MSRB3: variants seen among roughly 807,000 people sequenced by gnomAD.
MSRB3 encodes methionine-R-sulfoxide reductase B3.
Under a neutral mutation model 21.0 loss-of-function variants are expected in MSRB3, and 13 were observed. The observed-to-expected ratio is 0.62, with a 90% confidence interval of 0.40 to 0.98. The LOEUF is 0.98. Among genes scored for constraint, MSRB3 ranks in the 50% least tolerant of loss-of-function variants. The pLI is 0.00. For synonymous variants in MSRB3, 87 were observed against 88.6 expected (o/e 0.98, Z 0.10); for missense variants, 199 against 230.3 (o/e 0.86, Z 0.88).
intron 5 of MSRB3, among the ~76,000 whole-genome samples, chr12:65,432,816 C>T (rs1288170152): frequency 6.6e-6 from 1 of 151,846 alleles, no homozygotes; most frequent in Non-Finnish European, 1.5e-5. Context: ...CCAATGTGAG[C>T]GTTTTTATGC....
intron 4 of MSRB3, among the ~76,000 whole-genome samples, chr12:65,354,010 T>G (rs1274050168): frequency 6.6e-6 from 1 of 152,034 alleles, no homozygotes; most frequent in Non-Finnish European, 1.5e-5. Context: ...GATATGAAAT[T>G]CTGGGTTGAA....
chr12:65,461,904 T>C (rs924204235), intron 6 of MSRB3, among the ~76,000 whole-genome samples: 1 of 152,162 alleles, frequency 6.6e-6, no homozygotes, highest in East Asian at 1.9e-4. Flanking sequence ...TCACCCCAGG[T>C]AGGCCTCTTC....
chr12:65,387,873 G>T (rs1344466219), intron 5 of MSRB3, among the ~76,000 whole-genome samples: 1 of 151,918 alleles, frequency 6.6e-6, no homozygotes, highest in African/African-American at 2.4e-5. Context: ...AAAAATAATT[G>T]TAATTAGTGT....
At chr12:65,290,361 C>T (rs1380299449) in intron 1 of MSRB3, among the ~76,000 whole-genome samples, 1 of 152,146 alleles carries the variant, frequency 6.6e-6, no homozygotes, top group Non-Finnish European at 1.5e-5. Context: ...TGTAATCATT[C>T]CACTACTTTG....
chr12:65,382,543 T>C (rs1878992554), intron 5 of MSRB3, among the ~76,000 whole-genome samples: 2 of 152,014 alleles, frequency 1.3e-5, no homozygotes, highest in Non-Finnish European at 2.9e-5. Flanking sequence ...TTGTGGCTTG[T>C]TTGATATCAC....
At chr12:65,391,297 T>C (rs948675539) in intron 5 of MSRB3, among the ~76,000 whole-genome samples, 1 of 152,202 alleles carries the variant, frequency 6.6e-6, no homozygotes, top group Non-Finnish European at 1.5e-5. Context: ...CATAATATTT[T>C]CACTGAATAT....
intron 4 of MSRB3, among the ~76,000 whole-genome samples, chr12:65,346,876 G>C (rs1876549887): frequency 6.6e-6 from 1 of 152,116 alleles, no homozygotes; most frequent in South Asian, 2.1e-4. Context: ...TGTCAGGTTT[G>C]TCAAAGATCA....
intron 4 of MSRB3, among the ~76,000 whole-genome samples, chr12:65,361,075 A>AT (rs576193603): frequency 2.4e-4 from 36 of 151,034 alleles, no homozygotes; most frequent in African/African-American, 5.8e-4. Flanking sequence ...ATATAGTGCT[A>AT]TTTTTTTTTA....
At chr12:65,390,743 A>G (rs1879438937) in intron 5 of MSRB3, among the ~76,000 whole-genome samples, 1 of 152,170 alleles carries the variant, frequency 6.6e-6, no homozygotes, top group South Asian at 2.1e-4. Context: ...AGAGGCAGGC[A>G]AGGTACCATA....
At chr12:65,302,964 G>C (rs7137651) in intron 1 of MSRB3, among the ~76,000 whole-genome samples, 150,469 of 152,258 alleles carry the variant, frequency 0.99, 74,377 homozygotes, top group Middle Eastern at 1. Flanking sequence ...TTTCTTAGTT[G>C]TTGGTGTCAA....
Position 65,333,219 on chromosome 12 carries a change from G to T in MSRB3, c.263+4616G>T, listed in dbSNP as rs1051021676. Among the ~76,000 whole-genome samples the T allele has an allele frequency of 2.6e-5, 4 of 152,052 alleles. 1 individual carries two copies. The highest frequency in any genetic ancestry group is 2.1e-4 in the South Asian group (1 of 4,822). ...TTTATGAAATATTTTTTTCCTCAAC[G>T]TACTTACTTTTTTGGCATAGTAAGA... On this transcript the variant is annotated intron_variant, in intron 4 of 6. Coordinates refer to ENST00000308259, the MANE Select transcript of MSRB3 (RefSeq NM_001031679.3).
At chr12:65,349,992 T>A in intron 4 of MSRB3, among the ~76,000 whole-genome samples, 2 of 152,078 alleles carry the variant, frequency 1.3e-5, no homozygotes, top group Non-Finnish European at 2.9e-5. Context: ...CCCATGCCTA[T>A]GTCCTGAATG....
chr12:65,307,255 T>C (rs1275745490), intron 1 of MSRB3, among the ~76,000 whole-genome samples: 1 of 152,176 alleles, frequency 6.6e-6, no homozygotes, highest in Non-Finnish European at 1.5e-5. Flanking sequence ...CTTACCTTCC[T>C]TTTCCCTCCT....
chr12:65,425,820 G>A (rs1432758980), intron 5 of MSRB3, among the ~76,000 whole-genome samples: 1 of 151,986 alleles, frequency 6.6e-6, no homozygotes, highest in Non-Finnish European at 1.5e-5. Flanking sequence ...TGAATTTGAG[G>A]ATGTAATTAC....
At chr12:65,306,222 C>T (rs933401791) in intron 1 of MSRB3, among the ~76,000 whole-genome samples, 1 of 152,240 alleles carries the variant, frequency 6.6e-6, no homozygotes, top group South Asian at 2.1e-4. Context: ...TTATTTACCG[C>T]AAACATTAAT....
intron 2 of MSRB3, among the ~76,000 whole-genome samples, chr12:65,314,646 G>A (rs1206781620): frequency 6.6e-6 from 1 of 152,064 alleles, no homozygotes; most frequent in Non-Finnish European, 1.5e-5. Context: ...GGTTTGTTAA[G>A]TGTGGATTCT....
intron 1 of MSRB3, among the ~76,000 whole-genome samples, chr12:65,304,477 T>A (rs570530889): frequency 6.6e-6 from 1 of 152,318 alleles, no homozygotes; most frequent in East Asian, 1.9e-4. Flanking sequence ...TCATGAGACA[T>A]CTTGTCTGGC....
chr12:65,433,415 AT>A (rs1033136593), intron 5 of MSRB3, among the ~76,000 whole-genome samples: 1 of 151,798 alleles, frequency 6.6e-6, no homozygotes, highest in African/African-American at 2.4e-5. Flanking sequence ...TTAAAAAAAA[AT>A]TTTTTTAATT....
Position 65,465,246 on chromosome 12 carries a change from A to C in MSRB3, c.*1924A>C, listed in dbSNP as rs1054140983. On this transcript the variant is annotated 3_prime_UTR_variant, in exon 7 of 7. Transcript: ENST00000308259. ...CACTGTGCACAATAAAGTTTTCACAAGTATAAACAATGGTGATGTAAGTCA... is the reference window on the plus strand; with the variant it reads ...CACTGTGCACAATAAAGTTTTCACACGTATAAACAATGGTGATGTAAGTCA... 1 of 152,226 alleles carries C rather than the reference A, an allele frequency of 6.6e-6. No homozygotes were observed. The highest frequency in any genetic ancestry group is 2.4e-5 in the African/African-American group (1 of 41,454). The allele number at this position is 152,226 out of a possible 1,614,324, so 9.4% of individuals were successfully genotyped here. A position where few individuals can be genotyped will look rare whatever the true frequency, so the allele number is the denominator to read the frequency against.
Sources: gnomAD v4.1 joint callset for allele counts (sites outside exome capture counted in the v4.1 genomes callset) on GRCh38, gnomAD v4.1.1 for gene constraint, MANE v1.5 for transcripts, NCBI Gene and HGNC (gene_info 2026-07-23, HGNC 2026-07-21) for gene names.